The following CEP83 variants were observed in gnomAD, a reference collection of about 807,000 sequenced individuals.
CEP83 encodes the protein centrosomal protein of 83 kDa.
In CEP83, 70 loss-of-function variants were observed where a neutral mutation model predicts 101.9. The ratio of observed to expected loss-of-function variants is 0.69; its 90% CI spans 0.57 to 0.84. CEP83 has a LOEUF of 0.84. Among genes scored for constraint, CEP83 ranks in the 40% least tolerant of loss-of-function variants. The pLI is 0.00. For missense variants in CEP83, 715 were observed against 787.2 expected, an observed-to-expected ratio of 0.91 and a Z score of 1.10; for synonymous variants, 264 against 267.9, an observed-to-expected ratio of 0.99 and a Z score of 0.14.
At chr12:94,448,118 TA>T (rs869253686) in intron 1 of CEP83, among the ~76,000 whole-genome samples, 4 of 151,794 alleles carry the variant, frequency 2.6e-5, no homozygotes, top group Non-Finnish European at 5.9e-5. Flanking sequence ...AGGATTTTTT[TA>T]AAAAAATACA....
At chr12:94,368,479 A>G (rs775200442) in intron 9 of CEP83, 16 of 266,902 alleles carry the variant, frequency 6.0e-5, no homozygotes, top group Non-Finnish European at 7.0e-5. Context: ...TCGAACATTG[A>G]GAGTTGAGAT....
At chr12:94,323,135 C>T (rs1399583703) in intron 14 of CEP83, among the ~76,000 whole-genome samples, 1 of 152,132 alleles carries the variant, frequency 6.6e-6, no homozygotes, top group Non-Finnish European at 1.5e-5. Context: ...TGCAAGGTGC[C>T]ATGGTAGTGG....
At chr12:94,274,889 A>T in the CEP83 span, among the ~76,000 whole-genome samples, 1 of 152,160 alleles carries the variant, frequency 6.6e-6, no homozygotes, top group Admixed American at 6.5e-5. Context: ...TGTTTCTGAG[A>T]TTTACATATA....
At chr12:94,297,899 G>A in the CEP83 span, among the ~76,000 whole-genome samples, 3 of 152,216 alleles carry the variant, frequency 2.0e-5, no homozygotes, top group African/African-American at 7.2e-5. Flanking sequence ...TGTGAAAGCC[G>A]GTGGAATACC....
At chr12:94,285,110 TATC>T in the CEP83 span, among the ~76,000 whole-genome samples, 41,235 of 151,838 alleles carry the variant, frequency 0.27, 5,608 homozygotes, top group South Asian at 0.3. Flanking sequence ...GGGTCAAAGA[TATC>T]AGTTGGGGAT....
intron 14 of CEP83, among the ~76,000 whole-genome samples, chr12:94,329,935 G>A (rs1483070469): frequency 6.6e-6 from 1 of 152,090 alleles, no homozygotes; most frequent in Non-Finnish European, 1.5e-5. Flanking sequence ...AATATTCAGA[G>A]ACCAAGAAAG....
At chr12:94,301,866 T>G (rs1392769506), downstream of CEP83, among the ~76,000 whole-genome samples, 1 of 152,216 alleles carries the variant, frequency 6.6e-6, no homozygotes, top group Non-Finnish European at 1.5e-5. Flanking sequence ...CAACGTTATC[T>G]TTGACTCCTC....
intron 11 of CEP83, among the ~76,000 whole-genome samples, chr12:94,360,573 G>A (rs1257041778): frequency 2.6e-5 from 4 of 151,566 alleles, no homozygotes; most frequent in Admixed American, 2.0e-4. Context: ...TCTCTAAAAG[G>A]AAAACTATAA....
intron 11 of CEP83, among the ~76,000 whole-genome samples, chr12:94,366,390 C>T (rs966915997): frequency 6.6e-6 from 1 of 152,018 alleles, no homozygotes; most frequent in African/African-American, 2.4e-5. Flanking sequence ...CAACTATACA[C>T]AAATATTACA....
At chr12:94,275,914 C>A in the CEP83 span, among the ~76,000 whole-genome samples, 8 of 148,212 alleles carry the variant, frequency 5.4e-5, no homozygotes, top group African/African-American at 2.0e-4. Flanking sequence ...GTGTTAGCAG[C>A]ATGAAAAATG....
At chr12:94,437,328 G>C (rs908471785) in intron 1 of CEP83, among the ~76,000 whole-genome samples, 2 of 152,180 alleles carry the variant, frequency 1.3e-5, no homozygotes, top group East Asian at 3.8e-4. Flanking sequence ...CTGGGCAACA[G>C]GGCAAGACTT....
At chr12:94,299,808 C>T in the CEP83 span, among the ~76,000 whole-genome samples, 4 of 152,196 alleles carry the variant, frequency 2.6e-5, no homozygotes, top group African/African-American at 9.7e-5. Context: ...CATCCTCCTG[C>T]TTCAGCCTAC....
At chr12:94,336,319 G>A (rs2059445962) in intron 11 of CEP83, among the ~76,000 whole-genome samples, 1 of 152,140 alleles carries the variant, frequency 6.6e-6, no homozygotes, top group South Asian at 2.1e-4. Context: ...ACCTCATGAG[G>A]AAGACATTAC....
chr12:94,335,731 A>AT, intron 11 of CEP83, 67 bp from the exon 12 acceptor site: 2 of 1,071,878 alleles, frequency 1.9e-6, no homozygotes, highest in Non-Finnish European at 2.7e-6. Context: ...ACTGAATTAA[A>AT]GAGTCATTTT....
At chr12:94,404,523 T>C (rs2063429181) in intron 4 of CEP83, among the ~76,000 whole-genome samples, 1 of 152,166 alleles carries the variant, frequency 6.6e-6, no homozygotes, top group Non-Finnish European at 1.5e-5. Flanking sequence ...GGACCCTATA[T>C]GCACACTGGT....
chr12:94,425,964 C>G (rs2065164803), intron 2 of CEP83, among the ~76,000 whole-genome samples: 1 of 151,316 alleles, frequency 6.6e-6, no homozygotes, highest in African/African-American at 2.4e-5. Context: ...ACTAAAAATA[C>G]AAAAAAAATT....
chr12:94,411,956 A>G (rs1464513452), intron 3 of CEP83, 109 bp from the exon 4 acceptor site: 1 of 818,302 alleles, frequency 1.2e-6, no homozygotes, highest in South Asian at 1.6e-5. Flanking sequence ...AATATCACAC[A>G]TTCCTTTAAA....
intron 14 of CEP83, among the ~76,000 whole-genome samples, chr12:94,325,511 T>A (rs1317817209): frequency 2.0e-5 from 3 of 152,190 alleles, no homozygotes; most frequent in Non-Finnish European, 2.9e-5. Flanking sequence ...CACCTCCACC[T>A]GATAGTATTT....
downstream of CEP83, chr12:94,303,837 A>G (rs368738985): frequency 6.2e-7 from 1 of 1,611,526 alleles, no homozygotes; most frequent in Non-Finnish European, 8.5e-7. Flanking sequence ...CAAAGCAATC[A>G]GGGATTTGCC....
Sources: allele counts gnomAD v4.1 joint callset (sites outside exome capture counted in the v4.1 genomes callset), GRCh38; gene constraint gnomAD v4.1.1; transcripts MANE v1.5; gene names NCBI Gene and HGNC (gene_info 2026-07-23, HGNC 2026-07-21).